The following HDAC4 variants were observed in gnomAD, a reference collection of about 807,000 sequenced individuals.
HDAC4 encodes the protein histone deacetylase 4.
Under a neutral mutation model 135.1 loss-of-function variants are expected in HDAC4, and 16 were observed. That is an observed-to-expected ratio of 0.12 (90% CI 0.08 to 0.18). The LOEUF is 0.18. Among genes scored for constraint, HDAC4 ranks in the 10% least tolerant of loss-of-function variants. The pLI is 1.00. For missense variants in HDAC4, 1,143 were observed against 1,511.8 expected (o/e 0.76, Z 4.05); for synonymous variants, 685 against 653.4 (o/e 1.05, Z -0.74).
At chr2:239,234,324 C>T (rs1358361954) in intron 3 of HDAC4, among the ~76,000 whole-genome samples, 2 of 152,164 alleles carry the variant, frequency 1.3e-5, no homozygotes, top group African/African-American at 2.4e-5. Context: ...CCAGGAGACA[C>T]GGCACTCTCT....
chr2:239,176,659 C>A (rs1290477259), intron 4 of HDAC4, 96 bp from the exon 5 acceptor site: 32 of 1,165,002 alleles, frequency 2.7e-5, no homozygotes, highest in Admixed American at 3.8e-5. Context: ...AGGCCCTACA[C>A]GTCTGCCCTG....
intron 1 of HDAC4, among the ~76,000 whole-genome samples, chr2:239,378,375 C>T (rs892365095): frequency 5.3e-5 from 8 of 152,308 alleles, no homozygotes; most frequent in Non-Finnish European, 1.0e-4. Context: ...AGAGGGAAGG[C>T]GTTGGCCCCG....
intron 12 of HDAC4, among the ~76,000 whole-genome samples, chr2:239,123,384 G>A (rs933021234): frequency 1.3e-5 from 2 of 152,142 alleles, no homozygotes; most frequent in African/African-American, 4.8e-5. Flanking sequence ...GGGCTTGGGG[G>A]TGGAGGGGCA....
intron 2 of HDAC4, among the ~76,000 whole-genome samples, chr2:239,286,261 A>G (rs541556974): frequency 1.6e-4 from 25 of 152,376 alleles, no homozygotes; most frequent in Non-Finnish European, 3.4e-4. Flanking sequence ...TTCAAAAATA[A>G]TAAGTGTAAT....
At chr2:239,070,243 G>GT (rs1444702456) in intron 22 of HDAC4, among the ~76,000 whole-genome samples, 1 of 152,232 alleles carries the variant, frequency 6.6e-6, no homozygotes, top group African/African-American at 2.4e-5. Context: ...ACACACAGGT[G>GT]TAAGGGAATT....
chr2:239,102,922 C>A (rs372378974), intron 15 of HDAC4, 26 bp from the exon 16 acceptor site: 1 of 1,613,510 alleles, frequency 6.2e-7, no homozygotes, highest in Non-Finnish European at 8.5e-7. Context: ...AGAGGACACT[C>A]ACACGTTCTG....
At chr2:239,387,073 G>A (rs2126085462) in intron 1 of HDAC4, among the ~76,000 whole-genome samples, 1 of 151,456 alleles carries the variant, frequency 6.6e-6, no homozygotes, top group East Asian at 1.9e-4. Flanking sequence ...GCGTGTCCGG[G>A]GAGCACGAGT....
chr2:239,300,956 T>C (rs1291861296), intron 2 of HDAC4, among the ~76,000 whole-genome samples: 1 of 152,224 alleles, frequency 6.6e-6, no homozygotes, highest in African/African-American at 2.4e-5. Context: ...CAAGGGCCCT[T>C]AGCTCTGGGC....
intron 3 of HDAC4, among the ~76,000 whole-genome samples, chr2:239,191,449 G>A (rs923991151): frequency 6.6e-6 from 1 of 152,234 alleles, no homozygotes; most frequent in Non-Finnish European, 1.5e-5. Context: ...GGTGGCAGCT[G>A]CCCCTGGGTG....
intron 12 of HDAC4, among the ~76,000 whole-genome samples, chr2:239,125,040 G>A (rs985625272): frequency 2.6e-5 from 4 of 152,184 alleles, no homozygotes; most frequent in African/African-American, 7.2e-5. Context: ...GTGTGGCCGC[G>A]CATCACAGGA....
intron 2 of HDAC4, among the ~76,000 whole-genome samples, chr2:239,305,041 T>A (rs1009301603): frequency 3.9e-5 from 6 of 152,140 alleles, no homozygotes; most frequent in Non-Finnish European, 4.4e-5. Flanking sequence ...AGGCAGGGCC[T>A]GTACTGCAGG....
At chr2:239,388,596 AC>A (rs1034617599) in intron 1 of HDAC4, among the ~76,000 whole-genome samples, 8 of 152,074 alleles carry the variant, frequency 5.3e-5, no homozygotes, top group Non-Finnish European at 8.8e-5. Flanking sequence ...TGGAAGGACC[AC>A]CCTCTGGGCC....
At chr2:239,089,730 T>A (rs2036320911) in intron 18 of HDAC4, 2 of 239,998 alleles carry the variant, frequency 8.3e-6, no homozygotes, top group Admixed American at 6.9e-5. Context: ...CTTTGGAGCT[T>A]TTTTTTTTTT....
chr2:239,210,801 T>C (rs1225747434), intron 3 of HDAC4, among the ~76,000 whole-genome samples: 1 of 152,194 alleles, frequency 6.6e-6, no homozygotes. Context: ...ATGACCTGCT[T>C]GGGATCTGAG....
chr2:239,164,558 G>C (rs557606324), intron 5 of HDAC4, among the ~76,000 whole-genome samples: 3 of 152,344 alleles, frequency 2.0e-5, no homozygotes, highest in South Asian at 4.1e-4. Flanking sequence ...GGCAAAAAAG[G>C]CCACTCTCAC....
At position 239,138,320 on chromosome 2, in the gene HDAC4, T is replaced by C. The variant is rs891625246; in HGVS notation, c.978+1364A>G. ...CAAAATTCGTTCTGAGCAGTAATTC[T>C]AGTCTCTAAAAATGTTTATACATAA... is the stretch of plus-strand genomic sequence containing the variant. On this transcript the variant is annotated intron_variant, in intron 9 of 26. Coordinates refer to ENST00000543185, the MANE Select transcript of HDAC4 (RefSeq NM_001378414.1). 2.6e-5 allele frequency among the ~76,000 whole-genome samples: 4 copies of C among 152,366 alleles called. 1 individual carries two copies. In the Middle Eastern group the frequency reaches 0.01, roughly 389 times the overall value.
At chr2:239,374,465 G>A (rs372317660) in intron 1 of HDAC4, among the ~76,000 whole-genome samples, 2 of 134,308 alleles carry the variant, frequency 1.5e-5, no homozygotes, top group Admixed American at 8.6e-5. Flanking sequence ...GTGCAGTGGC[G>A]GGATCTCGGC....
chr2:239,059,463 G>A (rs910588003), intron 24 of HDAC4, among the ~76,000 whole-genome samples: 1 of 152,192 alleles, frequency 6.6e-6, no homozygotes, highest in African/African-American at 2.4e-5. Flanking sequence ...CCCCAGGGAT[G>A]AAAGGGGGCC....
chr2:239,161,732 G>C, intron 6 of HDAC4: 1 of 388,970 alleles, frequency 2.6e-6, no homozygotes, highest in South Asian at 2.0e-5. Context: ...CCCTTGTCCA[G>C]GCCAAGACAC....
Sources: allele counts gnomAD v4.1 joint callset (sites outside exome capture counted in the v4.1 genomes callset), GRCh38; gene constraint gnomAD v4.1.1; transcripts MANE v1.5; gene names NCBI Gene and HGNC (gene_info 2026-07-23, HGNC 2026-07-21).